CNTN1: variants seen among roughly 807,000 people sequenced by gnomAD.
The protein encoded by CNTN1 is contactin 1.
A neutral mutation model predicts 126.4 loss-of-function variants in CNTN1; 38 were observed. The observed-to-expected ratio is 0.30, with a 90% CI of 0.23 to 0.39. The LOEUF (loss-of-function observed/expected upper bound fraction) is 0.39, where lower values mean the gene tolerates loss of function less well. CNTN1 is among the 10% of genes least tolerant of loss of function. The pLI, the probability that CNTN1 is intolerant of heterozygous loss-of-function variation, is 1.00. For missense variants in CNTN1, 1,009 were observed against 1,248.4 expected, an observed-to-expected ratio of 0.81 and a Z score of 2.89; for synonymous variants, 413 against 422.6, an observed-to-expected ratio of 0.98 and a Z score of 0.28.
intron 17 of CNTN1, among the ~76,000 whole-genome samples, chr12:40,995,288 G>C (rs1948184931): frequency 6.6e-6 from 1 of 152,088 alleles, no homozygotes; most frequent in Non-Finnish European, 1.5e-5. Context: ...GTGATATTAA[G>C]AGATCACAGT....
intron 23 of CNTN1, among the ~76,000 whole-genome samples, chr12:41,046,847 C>CTTTT (rs56655599): frequency 3.1e-4 from 37 of 118,986 alleles, no homozygotes; most frequent in Non-Finnish European, 4.6e-4. Context: ...TTGCTTATTT[C>CTTTT]TTTTTTTTTT....
chr12:40,814,821 A>G (rs1013673557), intron 1 of CNTN1, among the ~76,000 whole-genome samples: 1 of 152,146 alleles, frequency 6.6e-6, no homozygotes, highest in African/African-American at 2.4e-5. Flanking sequence ...GATTCTGCCT[A>G]TCCATGAGCA....
intron 1 of CNTN1, among the ~76,000 whole-genome samples, chr12:40,819,900 TC>T (rs1399717550): frequency 1.3e-5 from 2 of 152,120 alleles, no homozygotes; most frequent in Non-Finnish European, 2.9e-5. Flanking sequence ...CTCTCTTGGC[TC>T]GGGGGAGGGG....
intron 1 of CNTN1, among the ~76,000 whole-genome samples, chr12:40,781,464 T>G (rs968883417): frequency 2.6e-5 from 4 of 152,000 alleles, no homozygotes; most frequent in African/African-American, 9.7e-5. Context: ...CTGGGTGAAC[T>G]TTCCTCTCTT....
At chr12:40,847,353 T>TGATGAATA (rs1942549459) in intron 1 of CNTN1, among the ~76,000 whole-genome samples, 1 of 152,192 alleles carries the variant, frequency 6.6e-6, no homozygotes, top group South Asian at 2.1e-4. Context: ...TATTAAAGTA[T>TGATGAATA]CTTAAACTTG....
At chr12:40,762,562 C>CA (rs965521296) in intron 1 of CNTN1, among the ~76,000 whole-genome samples, 4 of 151,400 alleles carry the variant, frequency 2.6e-5, no homozygotes, top group Non-Finnish European at 4.4e-5. Flanking sequence ...AAGTTCAAAA[C>CA]AAAAAAAAGT....
chr12:40,792,399 T>C (rs1303074389), intron 1 of CNTN1, among the ~76,000 whole-genome samples: 1 of 152,234 alleles, frequency 6.6e-6, no homozygotes, highest in East Asian at 1.9e-4. Context: ...AACAAAAATC[T>C]CCATTTCTTT....
At chr12:40,980,757 C>G in intron 15 of CNTN1, 152 bp from the exon 16 acceptor site, 1 of 740,412 alleles carries the variant, frequency 1.4e-6, no homozygotes, top group Non-Finnish European at 2.3e-6. Flanking sequence ...GATATCACTT[C>G]TTATAATCTA....
intron 1 of CNTN1, among the ~76,000 whole-genome samples, chr12:40,829,187 T>G (rs1165938970): frequency 1.3e-5 from 2 of 152,108 alleles, no homozygotes; most frequent in Non-Finnish European, 2.9e-5. Context: ...TTAATAAATA[T>G]AAAGCAAGAG....
At chr12:40,864,580 G>A (rs1943235759) in intron 1 of CNTN1, among the ~76,000 whole-genome samples, 1 of 151,962 alleles carries the variant, frequency 6.6e-6, no homozygotes, top group Non-Finnish European at 1.5e-5. Flanking sequence ...GAATGAAATT[G>A]CACTATATGA....
At chr12:40,874,626 G>A (rs1374104789) in intron 1 of CNTN1, among the ~76,000 whole-genome samples, 2 of 151,980 alleles carry the variant, frequency 1.3e-5, no homozygotes, top group Non-Finnish European at 2.9e-5. Flanking sequence ...TGAGGCTCTA[G>A]TTCATTTATT....
At chr12:40,795,777 A>T (rs1221204861) in intron 1 of CNTN1, among the ~76,000 whole-genome samples, 4 of 152,176 alleles carry the variant, frequency 2.6e-5, no homozygotes, top group Non-Finnish European at 4.4e-5. Flanking sequence ...AAACAGAAGC[A>T]TAAAACAATG....
chr12:40,881,627 G>A (rs554485741), intron 1 of CNTN1, among the ~76,000 whole-genome samples: 8 of 151,984 alleles, frequency 5.3e-5, no homozygotes, highest in Admixed American at 5.2e-4. Flanking sequence ...TTACAAAAAT[G>A]TGTTATTACT....
At chr12:40,790,287 G>T (rs1254241510) in intron 1 of CNTN1, among the ~76,000 whole-genome samples, 1 of 152,024 alleles carries the variant, frequency 6.6e-6, no homozygotes, top group East Asian at 1.9e-4. Flanking sequence ...AGGAGCCAGG[G>T]AATCTCCCCG....
At chr12:41,039,012 G>C (rs1377427337) in intron 23 of CNTN1, among the ~76,000 whole-genome samples, 1 of 152,176 alleles carries the variant, frequency 6.6e-6, no homozygotes, top group East Asian at 1.9e-4. Flanking sequence ...GATGTTCAAG[G>C]AACAGCAAGG....
chr12:40,984,937 T>A (rs1947917116), intron 16 of CNTN1, among the ~76,000 whole-genome samples: 1 of 151,996 alleles, frequency 6.6e-6, no homozygotes, highest in Non-Finnish European at 1.5e-5. Context: ...GAAGAAAAAA[T>A]AAGTATTTAT....
chr12:40,946,759 T>G (rs1946447599), intron 14 of CNTN1, among the ~76,000 whole-genome samples: 1 of 152,130 alleles, frequency 6.6e-6, no homozygotes, highest in South Asian at 2.1e-4. Flanking sequence ...ATAAATTGAA[T>G]TCAATAATTA....
At chr12:40,852,181 A>G (rs181111266) in intron 1 of CNTN1, among the ~76,000 whole-genome samples, 87 of 152,330 alleles carry the variant, frequency 5.7e-4, no homozygotes, top group African/African-American at 2.1e-3. Context: ...CATGGAAAAA[A>G]GAAAAAGAAT....
At chr12:40,731,767 C>G (rs1187990111) in intron 1 of CNTN1, among the ~76,000 whole-genome samples, 1 of 151,810 alleles carries the variant, frequency 6.6e-6, no homozygotes, top group Non-Finnish European at 1.5e-5. Context: ...TTGACCATTT[C>G]TAATCAACAA....
Sources: gnomAD v4.1 joint callset for allele counts (sites outside exome capture counted in the v4.1 genomes callset) on GRCh38, gnomAD v4.1.1 for gene constraint, MANE v1.5 for transcripts, NCBI Gene and HGNC (gene_info 2026-07-23, HGNC 2026-07-21) for gene names.